The following ATXN7L1 variants were observed in gnomAD, a reference collection of about 807,000 sequenced individuals.
ATXN7L1 encodes ataxin-7-like protein 1.
Under a neutral mutation model 70.8 loss-of-function variants are expected in ATXN7L1, and 15 were observed. The ratio of observed to expected loss-of-function variants is 0.21; its 90% CI spans 0.14 to 0.33. ATXN7L1 has a LOEUF of 0.33. ATXN7L1 is among the 10% of genes least tolerant of loss of function. The pLI, the probability that ATXN7L1 is intolerant of heterozygous loss-of-function variation, is 1.00. For missense variants in ATXN7L1, 975 were observed against 1,097.1 expected (o/e 0.89, Z 1.57); for synonymous variants, 440 against 445.1 (o/e 0.99, Z 0.14).
rs1207007526 is a variant in ATXN7L1, at chr7:105,624,005, T to C, written c.1395+70A>G. 7 of 1,268,654 alleles carry C rather than the reference T, an allele frequency of 5.5e-6. No individual in the cohort carries two copies. The Admixed American group carries it at 1.6e-4, about 28-fold the overall frequency. The allele number at this position is 1,268,654 out of a possible 1,614,324, so 78.6% of individuals were successfully genotyped here. ...CTTGCCTTAGGAAGGATCATGCCTC[T>C]GGTATGATCACCTAAGTGTCTGCAA... On this transcript the variant is annotated intron_variant, in intron 8 of 11. Transcript: ENST00000419735.
intron 3 of ATXN7L1, among the ~76,000 whole-genome samples, chr7:105,776,136 TCTC>T (rs1241253274): frequency 5.3e-5 from 8 of 152,112 alleles, no homozygotes; most frequent in Non-Finnish European, 1.0e-4. Context: ...TTACCCGAAT[TCTC>T]CTCGGTGGAT....
Position 105,614,608 on chromosome 7 carries a change from C to T in ATXN7L1, c.1726G>A (p.Ala576Thr), listed in dbSNP as rs376781439. 5.3e-5 allele frequency: 82 copies of T among 1,551,446 alleles called. No homozygotes were observed. The highest frequency in any genetic ancestry group is 5.1e-4 in the South Asian group (43 of 84,022). ...AAFVTSPDPSALMSHTTAFPH... is the reference protein window; with the variant it reads ...AAFVTSPDPSTLMSHTTAFPH... ...AAAGCTGTGGTGTGGGACATGAGGG[C>T]GCTCGGGTCCGGCGATGTCACGAAA... Residue 576 changes from alanine (A) to threonine (T), a missense_variant, in exon 10 of 12, where the codon GCC becomes ACC. This residue lies in a region of ATXN7L1 where 635 missense variants were observed against 699.4 expected (regional missense o/e 0.91). Transcript: ENST00000419735. This position sits in a 1 kb window ranked among gnomAD's most constrained non-coding sequence, Gnocchi z 4.3.
chr7:105,769,549 T>A (rs930696721), intron 3 of ATXN7L1, among the ~76,000 whole-genome samples: 4 of 152,076 alleles, frequency 2.6e-5, no homozygotes, highest in African/African-American at 9.7e-5. Context: ...TGGGAAGGAA[T>A]GGGGGCGAAG....
intron 2 of ATXN7L1, among the ~76,000 whole-genome samples, chr7:105,810,052 G>T (rs944497675): frequency 1.3e-5 from 2 of 152,204 alleles, no homozygotes; most frequent in Non-Finnish European, 2.9e-5. Context: ...GACTACAGGT[G>T]TGAGCCACCA....
intron 3 of ATXN7L1, among the ~76,000 whole-genome samples, chr7:105,763,363 G>C (rs142099135): frequency 6.6e-6 from 1 of 152,318 alleles, no homozygotes; most frequent in South Asian, 2.1e-4. Context: ...GAATGGAGGA[G>C]GGAGGAGCTC....
intron 4 of ATXN7L1, among the ~76,000 whole-genome samples, chr7:105,645,356 C>A (rs1462422988): frequency 6.6e-6 from 1 of 152,076 alleles, no homozygotes; most frequent in East Asian, 1.9e-4. Flanking sequence ...TTCAATAAAC[C>A]TGACTTTAAA....
chr7:105,836,303 T>C (rs1017830447), intron 2 of ATXN7L1, among the ~76,000 whole-genome samples: 1 of 152,196 alleles, frequency 6.6e-6, no homozygotes, highest in Non-Finnish European at 1.5e-5. Context: ...CTCTTATACC[T>C]GGACCCTTGA....
At chr7:105,757,448 G>A (rs1020257751) in intron 3 of ATXN7L1, among the ~76,000 whole-genome samples, 5 of 150,838 alleles carry the variant, frequency 3.3e-5, no homozygotes, top group African/African-American at 1.2e-4. Flanking sequence ...TGGGGTATAT[G>A]CAATTATTAT....
chr7:105,819,895 G>A (rs374087039), intron 2 of ATXN7L1: 1 of 555,706 alleles, frequency 1.8e-6, no homozygotes, highest in Non-Finnish European at 3.5e-6. Flanking sequence ...AAGAAACTTT[G>A]CCTACGTGGG....
chr7:105,658,099 T>G (rs1244414514), intron 4 of ATXN7L1, among the ~76,000 whole-genome samples: 3 of 152,126 alleles, frequency 2.0e-5, no homozygotes, highest in Admixed American at 2.0e-4. Flanking sequence ...TGTCACTTCA[T>G]GATGGGGCTA....
At chr7:105,655,813 G>A (rs1800538773) in intron 4 of ATXN7L1, among the ~76,000 whole-genome samples, 1 of 152,188 alleles carries the variant, frequency 6.6e-6, no homozygotes, top group Non-Finnish European at 1.5e-5. Flanking sequence ...AGACCCGCCT[G>A]GTAATTCCAA....
intron 3 of ATXN7L1, among the ~76,000 whole-genome samples, chr7:105,779,455 A>T (rs187155352): frequency 6.6e-6 from 1 of 152,296 alleles, no homozygotes; most frequent in Admixed American, 6.5e-5. Flanking sequence ...AAAAACTTGA[A>T]GTGAAGCAAA....
At chr7:105,856,433 A>G (rs1159457749) in intron 2 of ATXN7L1, among the ~76,000 whole-genome samples, 1 of 152,054 alleles carries the variant, frequency 6.6e-6, no homozygotes, top group African/African-American at 2.4e-5. Context: ...TAAAAATACA[A>G]AAATTAGCGG....
chr7:105,812,373 A>G (rs1486405082), intron 2 of ATXN7L1, among the ~76,000 whole-genome samples: 1 of 152,196 alleles, frequency 6.6e-6, no homozygotes, highest in Non-Finnish European at 1.5e-5. Context: ...TTGATTTCCA[A>G]GTCTCAAGAA....
At chr7:105,777,554 A>T (rs1441858612) in intron 3 of ATXN7L1, among the ~76,000 whole-genome samples, 1 of 152,122 alleles carries the variant, frequency 6.6e-6, no homozygotes, top group Non-Finnish European at 1.5e-5. Flanking sequence ...CTCTAAATAA[A>T]TGTTGACTCT....
chr7:105,686,517 AAAACAAAC>A (rs527785550), intron 3 of ATXN7L1, among the ~76,000 whole-genome samples: 197 of 152,300 alleles, frequency 1.3e-3, no homozygotes, highest in African/African-American at 4.3e-3. Flanking sequence ...AGTCCATCTC[AAAACAAAC>A]AAACAAACAA....
At chr7:105,869,593 C>T (rs1817951102) in intron 2 of ATXN7L1, among the ~76,000 whole-genome samples, 1 of 152,198 alleles carries the variant, frequency 6.6e-6, no homozygotes, top group African/African-American at 2.4e-5. Context: ...TCCTATATTC[C>T]AGCCCAATTC....
chr7:105,646,261 G>A (rs769916778), intron 4 of ATXN7L1, among the ~76,000 whole-genome samples: 1 of 152,082 alleles, frequency 6.6e-6, no homozygotes, highest in Non-Finnish European at 1.5e-5. Flanking sequence ...AGTGAGCTAG[G>A]ATCATGCTAT....
chr7:105,671,916 G>C (rs947755267), intron 3 of ATXN7L1, among the ~76,000 whole-genome samples: 2 of 81,116 alleles, frequency 2.5e-5, no homozygotes, highest in Non-Finnish European at 5.1e-5. Context: ...AAAAAAAAAA[G>C]AATTTTTTTT....
Sources: gnomAD v4.1 joint callset for allele counts (sites outside exome capture counted in the v4.1 genomes callset) on GRCh38, gnomAD v4.1.1 for gene constraint, gnomAD v4.1.1 regional missense constraint, Gnocchi (gnomAD v3.1) non-coding constraint, MANE v1.5 for transcripts, NCBI Gene and HGNC (gene_info 2026-07-23, HGNC 2026-07-21) for gene names.